Variants in LLGL2 observed in about 807,000 individuals in gnomAD.
LLGL2 encodes the protein LLGL2, scribble cell polarity complex component.
Under a neutral mutation model 123.2 loss-of-function variants are expected in LLGL2, and 81 were observed. The observed-to-expected ratio is 0.66, with a 90% CI of 0.55 to 0.79. The LOEUF (loss-of-function observed/expected upper bound fraction) is 0.79. Among genes scored for constraint, LLGL2 ranks in the 30% least tolerant of loss-of-function variants. The pLI is 0.00. For missense variants in LLGL2, 1,273 were observed against 1,414.6 expected (o/e 0.90, Z 1.61); for synonymous variants, 577 against 594.1 (o/e 0.97, Z 0.42).
At chr17:75,536,402 G>A (rs1038916491) in intron 1 of LLGL2, among the ~76,000 whole-genome samples, 1 of 152,214 alleles carries the variant, frequency 6.6e-6, no homozygotes, top group African/African-American at 2.4e-5. Flanking sequence ...CGATGGAATA[G>A]AAAAGTCCTT....
At chr17:75,535,024 G>A (rs57591306) in intron 1 of LLGL2, among the ~76,000 whole-genome samples, 9,105 of 152,218 alleles carry the variant, frequency 0.06, 862 homozygotes, top group African/African-American at 0.2. Flanking sequence ...TTCAGCCAAG[G>A]TTTGGTTGCT....
At position 75,559,139 on chromosome 17, in the gene LLGL2, T is replaced by C. The variant is rs924468860; in HGVS notation, c.372-113T>C. On this transcript the variant is annotated intron_variant, in intron 5 of 25. Coordinates refer to ENST00000392550, the MANE Select transcript of LLGL2 (RefSeq NM_001031803.2). This position sits in a 1 kb window ranked among gnomAD's most constrained non-coding sequence, Gnocchi z 4.6. ...ATGTTTGTCCTGGCTTGAAATGTTA[T>C]GACCTCATTAAAGGGCCTTATGGGC... 9 of 1,104,334 alleles carry C rather than the reference T, an allele frequency of 8.1e-6. No homozygotes were observed. The highest frequency in any genetic ancestry group is 3.2e-5 in the African/African-American group (2 of 63,072). The allele number at this position is 1,104,334 out of a possible 1,614,324, so 68.4% of individuals were successfully genotyped here.
intron 25 of LLGL2, 55 bp downstream of exon 25, chr17:75,574,723 G>C (rs2055896573): frequency 2.5e-6 from 4 of 1,598,564 alleles, no homozygotes; most frequent in Non-Finnish European, 2.6e-6. Context: ...GGGCTGGGAG[G>C]AAGAGCCCCG....
chr17:75,565,275 T>C (rs1421933657), intron 10 of LLGL2, among the ~76,000 whole-genome samples: 1 of 152,182 alleles, frequency 6.6e-6, no homozygotes, highest in African/African-American at 2.4e-5. Flanking sequence ...AAAGGGCTGA[T>C]GTTGAAACCT....
chr17:75,574,289 G>GGGGGGGGGGGGC, intron 23 of LLGL2, 29 bp downstream of exon 23: 1 of 879,526 alleles, frequency 1.1e-6, no homozygotes, highest in Non-Finnish European at 1.8e-6. Flanking sequence ...GGTGGGGCTG[G>GGGGGGGGGGGGC]CAGGAGGGGT....
Position 75,574,432 on chromosome 17 carries a change from CTG to C in LLGL2, c.2954-19_2954-18del, listed in dbSNP as rs1051234631. 52 of 1,548,494 alleles carry C rather than the reference CTG, an allele frequency of 3.4e-5. No homozygotes were observed. In the Admixed American group the frequency reaches 8.8e-4, roughly 26 times the overall value. On this transcript the variant is annotated intron_variant, in intron 23 of 25. Coordinates refer to ENST00000392550, the MANE Select transcript of LLGL2 (RefSeq NM_001031803.2). ...CCGCCCCAAGGGCCTCAGTGGGCCT[CTG>C]TTCCCACCCGGCCTGCAGGAGTCCT...
chr17:75,558,676 T>C lies in LLGL2; in HGVS notation c.371+49T>C. Reference sequence around the variant, plus strand: ...TTCCACTCCCAGCCCAGCCTGACCCTTGCCCTTAGCTCTGGAGTGGACTCA... The same window carrying C: ...TTCCACTCCCAGCCCAGCCTGACCCCTGCCCTTAGCTCTGGAGTGGACTCA... On this transcript the variant is annotated intron_variant, in intron 5 of 25. Coordinates refer to ENST00000392550, the MANE Select transcript of LLGL2 (RefSeq NM_001031803.2). The surrounding 1 kb of genome is among the most constrained non-coding windows in gnomAD (Gnocchi z 4.0). 7.0e-7 allele frequency: 1 copy of C among 1,434,358 alleles called. No individual in the cohort carries two copies. Among genetic ancestry groups the C allele is most frequent in the Non-Finnish European group, 9.6e-7 (1 of 1,041,060 alleles). The allele number at this position is 1,434,358 out of a possible 1,614,324, so 88.9% of individuals were successfully genotyped here.
Position 75,559,344 on chromosome 17 carries a change from TGGTG to T in LLGL2, c.465_468del (p.Val156SerfsTer49). 1 of 1,613,458 alleles carries T rather than the reference TGGTG, an allele frequency of 6.2e-7. No individual in the cohort carries two copies. The highest frequency in any genetic ancestry group is 8.5e-7 in the Non-Finnish European group (1 of 1,179,930). ...GGCACCGAGAGTGGCAACGTGTTTG[TGGTG>T]CAGCTGCCAGCTTTTCGTGCGCTGG... On this transcript the variant is annotated frameshift_variant, in exon 6 of 26. Transcript: ENST00000392550. LOFTEE classifies it high-confidence loss of function. The surrounding 1 kb of genome is among the most constrained non-coding windows in gnomAD (Gnocchi z 4.6).
At chr17:75,538,479 A>C (rs1251300610) in intron 1 of LLGL2, 1 of 152,108 alleles carries the variant, frequency 6.6e-6, no homozygotes, top group African/African-American at 2.4e-5. Flanking sequence ...CCTTCCCACC[A>C]GTCAGTCTCA....
At chr17:75,574,158 A>C (rs764251588) in intron 22 of LLGL2, 55 bp from the exon 23 acceptor site, 16 of 1,519,372 alleles carry the variant, frequency 1.1e-5, no homozygotes, top group East Asian at 2.5e-5. Context: ...GGAGAGAGAG[A>C]GCCAGGCCGA....
At chr17:75,555,630 G>A (rs928847150) in intron 2 of LLGL2, among the ~76,000 whole-genome samples, 1 of 152,032 alleles carries the variant, frequency 6.6e-6, no homozygotes, top group Admixed American at 6.5e-5. Flanking sequence ...CCGGAGCTGC[G>A]GTGCAACCAA....
intron 2 of LLGL2, among the ~76,000 whole-genome samples, chr17:75,548,116 A>C (rs1431181440): frequency 6.6e-6 from 1 of 152,180 alleles, no homozygotes; most frequent in African/African-American, 2.4e-5. Context: ...GGGATGCTCG[A>C]CCGGTAAGTA....
intron 1 of LLGL2, among the ~76,000 whole-genome samples, chr17:75,537,321 G>T (rs2054040949): frequency 6.6e-6 from 1 of 152,076 alleles, no homozygotes; most frequent in Non-Finnish European, 1.5e-5. Flanking sequence ...TTATCCTAAG[G>T]TGTGTTTCTT....
Position 75,564,211 on chromosome 17 carries a change from G to T in LLGL2, c.882-142G>T, listed in dbSNP as rs117066674. 0.012 allele frequency: 17,887 copies of T among 1,444,460 alleles called. 123 individuals are homozygous for T. The highest frequency in any genetic ancestry group is 0.014 in the Non-Finnish European group (15,382 of 1,095,548). 89.5% of individuals were successfully genotyped at this position (1,444,460 alleles called of 1,614,324 possible). A position where few individuals can be genotyped will look rare whatever the true frequency, so the allele number is the denominator to read the frequency against. The stretch of plus-strand genomic sequence containing the variant: ...TCACCTTACCTCCAAGTCCTCCTGG[G>T]CTGTAGCAGTTGGAAGGAGATGGGG... On this transcript the variant is annotated intron_variant, in intron 9 of 25. Coordinates refer to ENST00000392550, the MANE Select transcript of LLGL2 (RefSeq NM_001031803.2). This position sits in a 1 kb window ranked among gnomAD's most constrained non-coding sequence, Gnocchi z 4.9.
rs1057174363 is a variant in LLGL2, at chr17:75,559,942, T to C, written c.530+532T>C. Reference sequence around the variant, plus strand: ...GAGAGGGAGTTGGATCAGGTCCGGGTGGGAGAAGGGGACGGGGCCCAAAAA... The same window carrying C: ...GAGAGGGAGTTGGATCAGGTCCGGGCGGGAGAAGGGGACGGGGCCCAAAAA... On this transcript the variant is annotated intron_variant, in intron 6 of 25. Transcript: ENST00000392550. This position sits in a 1 kb window ranked among gnomAD's most constrained non-coding sequence, Gnocchi z 4.6. Among the ~76,000 whole-genome samples, 2 of 151,892 alleles carry C rather than the reference T, an allele frequency of 1.3e-5. No homozygotes were observed. The highest frequency in any genetic ancestry group is 2.9e-5 in the Non-Finnish European group (2 of 67,986).
At chr17:75,539,626 T>TA (rs1464023759) in intron 1 of LLGL2, among the ~76,000 whole-genome samples, 1 of 144,494 alleles carries the variant, frequency 6.9e-6, no homozygotes, top group East Asian at 2.0e-4. Flanking sequence ...TTTTTTTTTT[T>TA]ATACAGAATT....
At chr17:75,531,008 G>A (rs535838827) in intron 1 of LLGL2, among the ~76,000 whole-genome samples, 6 of 152,258 alleles carry the variant, frequency 3.9e-5, no homozygotes, top group African/African-American at 9.6e-5. Flanking sequence ...TGGGGATGTC[G>A]GAGAGTGCAG....
At chr17:75,528,437 G>A (rs2053653435) in intron 1 of LLGL2, among the ~76,000 whole-genome samples, 1 of 151,840 alleles carries the variant, frequency 6.6e-6, no homozygotes, top group South Asian at 2.1e-4. Context: ...TTAATATACC[G>A]CAACATTAAA....
At chr17:75,574,061 G>T (rs112753782) in intron 22 of LLGL2, 81 bp downstream of exon 22, 3 of 1,550,232 alleles carry the variant, frequency 1.9e-6, no homozygotes, top group South Asian at 2.4e-5. Context: ...GAAGGGTCCC[G>T]AGTGAGCAGG....
Sources: gnomAD v4.1 joint callset for allele counts (sites outside exome capture counted in the v4.1 genomes callset) on GRCh38, gnomAD v4.1.1 for gene constraint, Gnocchi (gnomAD v3.1) non-coding constraint, MANE v1.5 for transcripts, NCBI Gene and HGNC (gene_info 2026-07-23, HGNC 2026-07-21) for gene names.